The following OR8D1 variants were observed in gnomAD, a reference collection of about 807,000 sequenced individuals.
OR8D1 encodes olfactory receptor family 8 subfamily D member 1, also known as olfactory receptor 8D1.
For synonymous variants in OR8D1, 143 were observed against 147.0 expected, an observed-to-expected ratio of 0.97 and a Z score of 0.20; for missense variants, 384 against 366.8, an observed-to-expected ratio of 1.05 and a Z score of -0.38.
chr11:124,304,501 T>C lies in OR8D1; in HGVS notation c.*5339A>G, dbSNP rs1453250769. 1 of 152,000 alleles carries C rather than the reference T, an allele frequency of 6.6e-6. No individual in the cohort carries two copies. The highest frequency in any genetic ancestry group is 2.4e-5 in the African/African-American group (1 of 41,444). The allele number at this position is 152,000 out of a possible 1,614,324, so 9.4% of individuals were successfully genotyped here. On this transcript the variant is annotated 3_prime_UTR_variant, in exon 3 of 3. Coordinates refer to ENST00000641015, the MANE Select transcript of OR8D1 (RefSeq NM_001002917.2). ...AATAAAGATTTAATAGACATTCTAG[T>C]ATATTTTTATTTCTGCACTGTTTAA... is the stretch of plus-strand genomic sequence containing the variant.
Position 124,306,335 on chromosome 11 carries a change from A to G in OR8D1, c.*3505T>C, listed in dbSNP as rs1281064392. 2 of 149,376 alleles carry G rather than the reference A, an allele frequency of 1.3e-5. No individual in the cohort carries two copies. Among genetic ancestry groups the G allele is most frequent in the Admixed American group, 1.3e-4 (2 of 14,858 alleles). The allele number at this position is 149,376 out of a possible 1,614,324, so 9.3% of individuals were successfully genotyped here. A position where few individuals can be genotyped will look rare whatever the true frequency, so the allele number is the denominator to read the frequency against. On this transcript the variant is annotated 3_prime_UTR_variant, in exon 3 of 3. Coordinates refer to ENST00000641015, the MANE Select transcript of OR8D1 (RefSeq NM_001002917.2). The stretch of plus-strand genomic sequence containing the variant: ...ATAAGTATATGACTTATTTTATTTG[A>G]ATTTTTATTTTTAGTATGGTTGACC...
chr11:124,303,507 C>T lies in OR8D1; in HGVS notation c.*6333G>A, dbSNP rs1429760853. 1 of 151,952 alleles carries T rather than the reference C, an allele frequency of 6.6e-6. No homozygotes were observed. The highest frequency in any genetic ancestry group is 2.4e-5 in the African/African-American group (1 of 41,398). The allele number at this position is 151,952 out of a possible 1,614,324, so 9.4% of individuals were successfully genotyped here. A position where few individuals can be genotyped will look rare whatever the true frequency, so the allele number is the denominator to read the frequency against. On this transcript the variant is annotated 3_prime_UTR_variant, in exon 3 of 3. Transcript: ENST00000641015. ...TGTAAATTGCTGCTTATATCTTTTG[C>T]CTGGTTTTCTATTAGGCTTTTTGTC...
rs1212543117 is a variant in OR8D1 at position 124,313,713 on chromosome 11, A to G, written c.-122+8T>C. On this transcript the variant is annotated splice_region_variant and intron_variant, in intron 1 of 2. Transcript: ENST00000641015. Reference sequence around the variant, plus strand: ...ATATGATGGTCATAAAGGAGATGGGACACTTACCTTGGTCCTGCACAGAAA... The same window carrying G: ...ATATGATGGTCATAAAGGAGATGGGGCACTTACCTTGGTCCTGCACAGAAA... 6.6e-6 allele frequency: 1 copy of G among 152,168 alleles called. No individual in the cohort carries two copies. The highest frequency in any genetic ancestry group is 2.4e-5 in the African/African-American group (1 of 41,420). 9.4% of individuals were successfully genotyped at this position (152,168 alleles called of 1,614,324 possible). A position where few individuals can be genotyped will look rare whatever the true frequency, so the allele number is the denominator to read the frequency against.
In OR8D1 at chr11:124,306,571, A is replaced by G. The variant is rs1203586664; in HGVS notation, c.*3269T>C. ...TTTTCCCTTCTGTAGTAAGACAAAA[A>G]CATCCTAATAGTGTGCTGATGAGGG... On this transcript the variant is annotated 3_prime_UTR_variant, in exon 3 of 3. Coordinates refer to ENST00000641015, the MANE Select transcript of OR8D1 (RefSeq NM_001002917.2). 1 of 151,850 alleles carries G rather than the reference A, an allele frequency of 6.6e-6. No homozygotes were observed. The highest frequency in any genetic ancestry group is 2.4e-5 in the African/African-American group (1 of 41,384). The allele number at this position is 151,850 out of a possible 1,614,324, so 9.4% of individuals were successfully genotyped here.
In OR8D1 at chr11:124,305,810, T is replaced by A. The variant is rs960947766; in HGVS notation, c.*4030A>T. ...TTAAAACACCCCTAAAACATTATCC[T>A]CATTTATTTTATGCTACACACTTCT... On this transcript the variant is annotated 3_prime_UTR_variant, in exon 3 of 3. Transcript: ENST00000641015. 1 of 151,860 alleles carries A rather than the reference T, an allele frequency of 6.6e-6. No individual in the cohort carries two copies. The highest frequency in any genetic ancestry group is 6.6e-5 in the Admixed American group (1 of 15,198). The allele number at this position is 151,860 out of a possible 1,614,324, so 9.4% of individuals were successfully genotyped here.
At position 124,307,742 on chromosome 11, in the gene OR8D1, T is replaced by G. The variant is rs961198938; in HGVS notation, c.*2098A>C. On this transcript the variant is annotated 3_prime_UTR_variant, in exon 3 of 3. Transcript: ENST00000641015. ...ATAAAGGTATTTTAGACACAGGGGA[T>G]GGGATAATAATTGGTTATTTTCACA... 1.3e-5 allele frequency: 2 copies of G among 152,062 alleles called. No individual in the cohort carries two copies. The highest frequency in any genetic ancestry group is 6.6e-5 in the Admixed American group (1 of 15,240). 9.4% of individuals were successfully genotyped at this position (152,062 alleles called of 1,614,324 possible).
rs998234351 is a variant in OR8D1 at position 124,304,994 on chromosome 11, G to A, written c.*4846C>T. 6.6e-6 allele frequency: 1 copy of A among 151,794 alleles called. No homozygotes were observed. Among genetic ancestry groups the A allele is most frequent in the African/African-American group, 2.4e-5 (1 of 41,380 alleles). 9.4% of individuals were successfully genotyped at this position (151,794 alleles called of 1,614,324 possible). A position where few individuals can be genotyped will look rare whatever the true frequency, so the allele number is the denominator to read the frequency against. On this transcript the variant is annotated 3_prime_UTR_variant, in exon 3 of 3. Coordinates refer to ENST00000641015, the MANE Select transcript of OR8D1 (RefSeq NM_001002917.2). ...TGACTACCTCCCAGTCACAAAGATA[G>A]CTCTTATGCTCCCTTCTGTAATCAA... is the stretch of plus-strand genomic sequence containing the variant.
rs1447645647 is a variant in OR8D1 at position 124,308,869 on chromosome 11, A to T, written c.*971T>A. 6.6e-6 allele frequency: 1 copy of T among 152,154 alleles called. No homozygotes were observed. Among genetic ancestry groups the T allele is most frequent in the African/African-American group, 2.4e-5 (1 of 41,444 alleles). 9.4% of individuals were successfully genotyped at this position (152,154 alleles called of 1,614,324 possible). A position where few individuals can be genotyped will look rare whatever the true frequency, so the allele number is the denominator to read the frequency against. ...GGATGCAGAACAGTAGAGGCATCTT[A>T]TTACTACCCAGCAACATACAAAAGC... On this transcript the variant is annotated 3_prime_UTR_variant, in exon 3 of 3. Transcript: ENST00000641015.
chr11:124,311,716 C>T (rs1862423546), intron 1 of OR8D1, 40 bp from the exon 2 acceptor site: 1 of 152,092 alleles, frequency 6.6e-6, no homozygotes, highest in African/African-American at 2.4e-5. Flanking sequence ...GTACTTTTCC[C>T]AGAAGAAGCA....
intron 1 of OR8D1, among the ~76,000 whole-genome samples, chr11:124,312,949 G>A (rs1234425529): frequency 6.6e-5 from 10 of 151,794 alleles, no homozygotes; most frequent in African/African-American, 9.7e-5. Flanking sequence ...TGAGGTGAGC[G>A]GATCACCTGA....
In OR8D1 at chr11:124,306,007, T is replaced by C. The variant is rs1862366239; in HGVS notation, c.*3833A>G. On this transcript the variant is annotated 3_prime_UTR_variant, in exon 3 of 3. Transcript: ENST00000641015. ...TATTTTAATGATACCATATTTATTCTACTGGATATCTGAATCTTACTCAAA... is the reference window on the plus strand; with the variant it reads ...TATTTTAATGATACCATATTTATTCCACTGGATATCTGAATCTTACTCAAA... The C allele has an allele frequency of 6.6e-6, 1 of 151,942 alleles. No homozygotes were observed. The highest frequency in any genetic ancestry group is 6.6e-5 in the Admixed American group (1 of 15,230). 9.4% of individuals were successfully genotyped at this position (151,942 alleles called of 1,614,324 possible).
rs1485791588 is a variant in OR8D1, at chr11:124,306,061, A to G, written c.*3779T>C. The G allele has an allele frequency of 6.6e-6, 1 of 151,846 alleles. No homozygotes were observed. Among genetic ancestry groups the G allele is most frequent in the Non-Finnish European group, 1.5e-5 (1 of 67,866 alleles). The allele number at this position is 151,846 out of a possible 1,614,324, so 9.4% of individuals were successfully genotyped here. The stretch of plus-strand genomic sequence containing the variant: ...ATAACTTTGAAGAACATTTAACTCA[A>G]TTCATTATTTTGTTACTGTCAATAT... On this transcript the variant is annotated 3_prime_UTR_variant, in exon 3 of 3. Transcript: ENST00000641015.
At position 124,303,392 on chromosome 11, in the gene OR8D1, TGTA is replaced by T. The variant is rs1200795366; in HGVS notation, c.*6445_*6447del. 6.6e-6 allele frequency: 1 copy of T among 152,038 alleles called. No homozygotes were observed. Among genetic ancestry groups the T allele is most frequent in the Non-Finnish European group, 1.5e-5 (1 of 67,974 alleles). The allele number at this position is 152,038 out of a possible 1,614,324, so 9.4% of individuals were successfully genotyped here. A position where few individuals can be genotyped will look rare whatever the true frequency, so the allele number is the denominator to read the frequency against. ...GGCTAAACCATATGAGTCCTTGACATGTAGTATAGTAAACGGTCGTATTTGGCT... is the reference window on the plus strand; with the variant it reads ...GGCTAAACCATATGAGTCCTTGACATGTATAGTAAACGGTCGTATTTGGCT... On this transcript the variant is annotated 3_prime_UTR_variant, in exon 3 of 3. Coordinates refer to ENST00000641015, the MANE Select transcript of OR8D1 (RefSeq NM_001002917.2).
At position 124,310,186 on chromosome 11, in the gene OR8D1, A is replaced by T; in HGVS notation, c.581T>A (p.Leu194His). 1 of 1,613,328 alleles carries T rather than the reference A, an allele frequency of 6.2e-7. No individual in the cohort carries two copies. The highest frequency in any genetic ancestry group is 8.5e-7 in the Non-Finnish European group (1 of 1,179,736). Residue 194 changes from leucine to histidine, a missense_variant, in exon 3 of 3, where the codon CTC (leucine) becomes CAC (histidine). Leu to His is a moderately conservative substitution (Grantham distance 99, BLOSUM62 -3). Transcript: ENST00000641015. ...LLNLSCSNTH[L>H]NELLLFIIAG... ...AATGATAAAAAGTAGAAGCTCATTG[A>T]GGTGTGTGTTGGAGCAGGAGAGATT... is the stretch of plus-strand genomic sequence containing the variant.
At position 124,303,925 on chromosome 11, in the gene OR8D1, A is replaced by G. The variant is rs1232409530; in HGVS notation, c.*5915T>C. 6.6e-6 allele frequency: 1 copy of G among 152,010 alleles called. No homozygotes were observed. The highest frequency in any genetic ancestry group is 2.4e-5 in the African/African-American group (1 of 41,442). The allele number at this position is 152,010 out of a possible 1,614,324, so 9.4% of individuals were successfully genotyped here. ...AGAGTTTAGTATTGTTTATGAGCTAATATCACTTTTTACATTTTTAAATGG... is the reference window on the plus strand; with the variant it reads ...AGAGTTTAGTATTGTTTATGAGCTAGTATCACTTTTTACATTTTTAAATGG... On this transcript the variant is annotated 3_prime_UTR_variant, in exon 3 of 3. Transcript: ENST00000641015.
Position 124,305,955 on chromosome 11 carries a change from G to A in OR8D1, c.*3885C>T, listed in dbSNP as rs1043474533. The A allele has an allele frequency of 1.3e-5, 2 of 151,562 alleles. No individual in the cohort carries two copies. Among genetic ancestry groups the A allele is most frequent in the African/African-American group, 4.8e-5 (2 of 41,296 alleles). The allele number at this position is 151,562 out of a possible 1,614,324, so 9.4% of individuals were successfully genotyped here. Reference sequence around the variant, plus strand: ...TAACTTACTATATACTTTGCATATTGTCCCTGCCAGTACTATTTCACAAAA... The same window carrying A: ...TAACTTACTATATACTTTGCATATTATCCCTGCCAGTACTATTTCACAAAA... On this transcript the variant is annotated 3_prime_UTR_variant, in exon 3 of 3. Coordinates refer to ENST00000641015, the MANE Select transcript of OR8D1 (RefSeq NM_001002917.2).
intron 1 of OR8D1, among the ~76,000 whole-genome samples, chr11:124,312,518 C>CTTTTTTTT (rs201492454): frequency 7.5e-6 from 1 of 132,754 alleles, no homozygotes; most frequent in Admixed American, 7.6e-5. Context: ...TTCTTTCTTT[C>CTTTTTTTT]TTTTTTTTTT....
At chr11:124,312,157 A>G (rs1023471947) in intron 1 of OR8D1, among the ~76,000 whole-genome samples, 2 of 152,220 alleles carry the variant, frequency 1.3e-5, no homozygotes, top group African/African-American at 4.8e-5. Context: ...CATATTGTTA[A>G]ATACAATTGA....
Position 124,307,838 on chromosome 11 carries a change from T to C in OR8D1, c.*2002A>G, listed in dbSNP as rs1189071714. 1 of 152,128 alleles carries C rather than the reference T, an allele frequency of 6.6e-6. No homozygotes were observed. The highest frequency in any genetic ancestry group is 2.4e-5 in the African/African-American group (1 of 41,450). The allele number at this position is 152,128 out of a possible 1,614,324, so 9.4% of individuals were successfully genotyped here. On this transcript the variant is annotated 3_prime_UTR_variant, in exon 3 of 3. Transcript: ENST00000641015. Reference sequence around the variant, plus strand: ...GGTCTCAAGCTCTCCCTGGATTTGTTAAATGTATAAGTTCTGAGCAGGGCT... The same window carrying C: ...GGTCTCAAGCTCTCCCTGGATTTGTCAAATGTATAAGTTCTGAGCAGGGCT...
Sources: allele counts gnomAD v4.1 joint callset (sites outside exome capture counted in the v4.1 genomes callset), GRCh38; gene constraint gnomAD v4.1.1; transcripts MANE v1.5; gene names NCBI Gene and HGNC (gene_info 2026-07-23, HGNC 2026-07-21).